The following NCKAP5 variants were observed in gnomAD, a reference collection of about 807,000 sequenced individuals.
The protein encoded by NCKAP5 is nck-associated protein 5.
NCKAP5 carries 92 observed loss-of-function variants against 167.0 expected under a neutral mutation model. The ratio of observed to expected loss-of-function variants is 0.55; its 90% CI spans 0.47 to 0.66. The LOEUF (loss-of-function observed/expected upper bound fraction) is 0.66. Ranked by LOEUF, NCKAP5 falls within the 30% of genes least tolerant of loss-of-function variation. The pLI is 0.00. For synonymous variants in NCKAP5, 891 were observed against 877.4 expected (o/e 1.02, Z -0.27); for missense variants, 2,378 against 2,315.0 (o/e 1.03, Z -0.56).
intron 19 of NCKAP5, among the ~76,000 whole-genome samples, chr2:132,717,897 G>C (rs968320914): frequency 6.6e-6 from 1 of 152,194 alleles, no homozygotes; most frequent in Non-Finnish European, 1.5e-5. Context: ...TATGAGGCTG[G>C]AGAGGGCATG....
At position 133,518,344 on chromosome 2, in the gene NCKAP5, A is replaced by ATTTTTTTT. The variant is rs751025050; in HGVS notation, c.-61-765_-61-758dup. On this transcript the variant is annotated intron_variant, in intron 2 of 19. Coordinates refer to ENST00000409261, the MANE Select transcript of NCKAP5 (RefSeq NM_207363.3). The stretch of plus-strand genomic sequence containing the variant: ...TAAAAGAAATGGGTTACAGTAAAGG[A>ATTTTTTTT]TTTTTTTTTTTTTTTTTTTTTTTTT... Among the ~76,000 whole-genome samples, 675 of 74,606 alleles carry ATTTTTTTT rather than the reference A, an allele frequency of 9.0e-3. 104 individuals carry two copies. Among genetic ancestry groups the ATTTTTTTT allele is most frequent in the East Asian group, 0.019 (34 of 1,772 alleles). The allele number at this position is 74,606 out of a possible 152,430, so 48.9% of individuals were successfully genotyped here.
At chr2:132,790,527 T>A (rs1250079183) in intron 12 of NCKAP5, among the ~76,000 whole-genome samples, 2 of 152,178 alleles carry the variant, frequency 1.3e-5, no homozygotes, top group Admixed American at 1.3e-4. Context: ...AACATCAGAA[T>A]GGTTGTATGG....
intron 4 of NCKAP5, chr2:133,265,043 C>T (rs1437888791): frequency 6.6e-6 from 1 of 151,972 alleles, no homozygotes; most frequent in Non-Finnish European, 1.5e-5. Context: ...GGCATGAAGC[C>T]GGGAAATGAC....
At chr2:132,693,236 T>C (rs1686955774) in intron 19 of NCKAP5, among the ~76,000 whole-genome samples, 1 of 152,248 alleles carries the variant, frequency 6.6e-6, no homozygotes. Context: ...AAGTTCTAGC[T>C]GCTGATACCT....
intron 3 of NCKAP5, among the ~76,000 whole-genome samples, chr2:133,308,079 ATTTTTTTTT>A (rs60111877): frequency 0.024 from 2,116 of 89,404 alleles, 53 homozygotes; most frequent in African/African-American, 0.091. Flanking sequence ...TTATTGTTCT[ATTTTTTTTT>A]TTTTTTTTTT....
At chr2:133,515,084 T>G (rs1575089029) in intron 3 of NCKAP5, among the ~76,000 whole-genome samples, 1 of 152,292 alleles carries the variant, frequency 6.6e-6, no homozygotes, top group African/African-American at 2.4e-5. Flanking sequence ...AGCATAAAGC[T>G]GAAGAAGAGG....
At chr2:133,348,639 A>G (rs992275907) in intron 3 of NCKAP5, among the ~76,000 whole-genome samples, 1 of 152,036 alleles carries the variant, frequency 6.6e-6, no homozygotes. Flanking sequence ...AGGCCCAAAA[A>G]CTACCTTGAA....
chr2:133,065,909 T>C (rs969402274), intron 6 of NCKAP5, among the ~76,000 whole-genome samples: 1 of 152,248 alleles, frequency 6.6e-6, no homozygotes, highest in African/African-American at 2.4e-5. Flanking sequence ...GTGCAATATA[T>C]AGTTCATGTA....
chr2:133,139,984 A>G (rs1008485802), intron 5 of NCKAP5, among the ~76,000 whole-genome samples: 1 of 152,196 alleles, frequency 6.6e-6, no homozygotes, highest in African/African-American at 2.4e-5. Flanking sequence ...GAGTTTATTC[A>G]GTCAAAAGGC....
At chr2:133,176,869 T>C (rs988046020) in intron 5 of NCKAP5, among the ~76,000 whole-genome samples, 7 of 152,128 alleles carry the variant, frequency 4.6e-5, no homozygotes, top group Non-Finnish European at 1.0e-4. Context: ...CCACCCCACT[T>C]CCCCAACTTT....
intron 3 of NCKAP5, among the ~76,000 whole-genome samples, chr2:133,384,572 GTT>G (rs1187221032): frequency 6.6e-6 from 1 of 152,172 alleles, no homozygotes; most frequent in African/African-American, 2.4e-5. Context: ...TTTTAAAGTA[GTT>G]TTTTCCAATT....
At chr2:133,621,390 G>T in the NCKAP5 span, among the ~76,000 whole-genome samples, 1 of 152,086 alleles carries the variant, frequency 6.6e-6, no homozygotes, top group Non-Finnish European at 1.5e-5. Flanking sequence ...GGTTAACCAA[G>T]AAAGGAGAAA....
intron 8 of NCKAP5, chr2:132,954,592 T>C (rs1363146903): frequency 2.2e-6 from 1 of 449,136 alleles, no homozygotes; most frequent in East Asian, 7.0e-5. Flanking sequence ...ATTGAATAAA[T>C]TTCTACATAG....
chr2:132,869,089 C>A (rs1374897796), intron 9 of NCKAP5, 115 bp from the exon 10 acceptor site: 2 of 627,366 alleles, frequency 3.2e-6, no homozygotes, highest in African/African-American at 1.9e-5. Context: ...TCCTCATTTG[C>A]CTCTTTCCTC....
chr2:132,920,106 C>T (rs1322611920), intron 8 of NCKAP5, among the ~76,000 whole-genome samples: 1 of 151,626 alleles, frequency 6.6e-6, no homozygotes, highest in African/African-American at 2.4e-5. Context: ...CACCGTATTC[C>T]CCTCTCCCCC....
chr2:132,705,786 T>C lies in NCKAP5; in HGVS notation c.5713+19841A>G, dbSNP rs148249517. ...GCTAGAAAGAACCTTAGAATTCATC[T>C]AGTCCAATACTCCCATTTTACAACC... On this transcript the variant is annotated intron_variant, in intron 19 of 19. Coordinates refer to ENST00000409261, the MANE Select transcript of NCKAP5 (RefSeq NM_207363.3). 3.9e-4 allele frequency among the ~76,000 whole-genome samples: 59 copies of C among 152,324 alleles called. 2 individuals are homozygous for C. In the East Asian group the frequency reaches 4.2e-3, roughly 11 times the overall value.
At chr2:133,061,332 C>A (rs1240106702) in intron 6 of NCKAP5, among the ~76,000 whole-genome samples, 1 of 152,106 alleles carries the variant, frequency 6.6e-6, no homozygotes, top group Non-Finnish European at 1.5e-5. Context: ...TTGACAGGGC[C>A]CCCACGCTAG....
chr2:133,211,100 G>C (rs921904937), intron 5 of NCKAP5, among the ~76,000 whole-genome samples: 8 of 150,240 alleles, frequency 5.3e-5, no homozygotes, highest in African/African-American at 2.0e-4. Context: ...TGGCACTCCA[G>C]GCCTTTACAT....
chr2:133,639,169 C>T, the NCKAP5 span, among the ~76,000 whole-genome samples: 1 of 152,086 alleles, frequency 6.6e-6, no homozygotes, highest in African/African-American at 2.4e-5. Flanking sequence ...CAGAGAATAT[C>T]AATTGTTGGA....
Sources: gnomAD v4.1 joint callset for allele counts (sites outside exome capture counted in the v4.1 genomes callset) on GRCh38, gnomAD v4.1.1 for gene constraint, MANE v1.5 for transcripts, NCBI Gene and HGNC (gene_info 2026-07-23, HGNC 2026-07-21) for gene names.